NDE1: variants seen among roughly 807,000 people sequenced by gnomAD.
NDE1 encodes the protein nuclear distribution protein nudE homolog 1.
A neutral mutation model predicts 43.4 loss-of-function variants in NDE1; 28 were observed. The ratio of observed to expected loss-of-function variants is 0.65; its 90% confidence interval spans 0.48 to 0.89. NDE1 has a LOEUF of 0.89. NDE1 is among the 40% of genes least tolerant of loss of function. The pLI, the probability that NDE1 is intolerant of heterozygous loss-of-function variation, is 0.00. For missense variants in NDE1, 441 were observed against 434.1 expected (o/e 1.02, Z -0.14); for synonymous variants, 184 against 172.0 (o/e 1.07, Z -0.55).
intron 1 of NDE1, among the ~76,000 whole-genome samples, chr16:15,664,350 G>A (rs1281462683): frequency 6.6e-6 from 1 of 151,824 alleles, no homozygotes. Context: ...CCAGCATAAA[G>A]TTTATTTATT....
chr16:15,691,348 T>A, intron 6 of NDE1, 25 bp downstream of exon 6: 1 of 1,611,614 alleles, frequency 6.2e-7, no homozygotes, highest in Non-Finnish European at 8.5e-7. Flanking sequence ...AATTGCAGGA[T>A]TTTCTCGGTT....
chr16:15,717,448 C>T, intron 8 of NDE1: 3 of 1,246,018 alleles, frequency 2.4e-6, no homozygotes, highest in East Asian at 2.4e-5. Context: ...CTGCACGAGT[C>T]CCTTGATCCC....
chr16:15,682,064 G>A (rs1315511725), intron 4 of NDE1, among the ~76,000 whole-genome samples: 1 of 151,920 alleles, frequency 6.6e-6, no homozygotes, highest in East Asian at 1.9e-4. Context: ...TTTTATTTTT[G>A]TACTAAACGT....
At chr16:15,668,684 A>C (rs2037438446) in intron 3 of NDE1, among the ~76,000 whole-genome samples, 1 of 152,226 alleles carries the variant, frequency 6.6e-6, no homozygotes, top group Non-Finnish European at 1.5e-5. Context: ...TTAATTCCTC[A>C]GTCACAGTAG....
chr16:15,697,150 C>A, intron 8 of NDE1: 2 of 793,582 alleles, frequency 2.5e-6, no homozygotes, highest in Non-Finnish European at 3.1e-6. Flanking sequence ...TCAAACGATC[C>A]TCCCACCTCA....
chr16:15,682,904 T>G (rs1055694782), intron 4 of NDE1, among the ~76,000 whole-genome samples: 32 of 152,076 alleles, frequency 2.1e-4, no homozygotes, highest in African/African-American at 7.7e-4. Flanking sequence ...TTTTCTATTT[T>G]TAGTAGAAAT....
At chr16:15,717,529 G>C in intron 8 of NDE1, 1 of 642,648 alleles carries the variant, frequency 1.6e-6, no homozygotes, top group Non-Finnish European at 2.7e-6. Flanking sequence ...GCGTGGTGGC[G>C]CACGCCTGTA....
At chr16:15,717,894 C>T (rs1447470725) in intron 8 of NDE1, 4 of 284,680 alleles carry the variant, frequency 1.4e-5, no homozygotes, top group Non-Finnish European at 2.7e-5. Flanking sequence ...AGAATGATGC[C>T]TGTTCACCCT....
At position 15,717,252 on chromosome 16, in the gene NDE1, G is replaced by A. The variant is rs371581038; in HGVS notation, c.948-6939G>A. ...CCCTCCATCTCGTGGAGCTTGCTCCGGAGCTCCTTGTTCTGCCGCTCGAGC... is the reference window on the plus strand; with the variant it reads ...CCCTCCATCTCGTGGAGCTTGCTCCAGAGCTCCTTGTTCTGCCGCTCGAGC... On this transcript the variant is annotated intron_variant, in intron 8 of 8. Coordinates refer to ENST00000396354, the MANE Select transcript of NDE1 (RefSeq NM_017668.3). 2.0e-5 allele frequency: 32 copies of A among 1,614,122 alleles called. No individual in the cohort carries two copies. The highest frequency in any genetic ancestry group is 1.6e-4 in the Middle Eastern group (1 of 6,062).
rs1341780205 is a variant in NDE1, at chr16:15,679,153, CAG to C, written c.386+1205_386+1206del. 3.3e-5 allele frequency among the ~76,000 whole-genome samples: 5 copies of C among 152,234 alleles called. No individual in the cohort carries two copies. In the East Asian group the frequency reaches 9.7e-4, roughly 29 times the overall value. On this transcript the variant is annotated intron_variant, in intron 4 of 8. Transcript: ENST00000396354. ...TTTTTCTTTTATTTATTTTTGGAAA[CAG>C]GGTCTTGCTCTGTTACCCAGGCTGG...
intron 3 of NDE1, among the ~76,000 whole-genome samples, chr16:15,667,657 G>A (rs1417077865): frequency 7.1e-6 from 1 of 140,502 alleles, no homozygotes; most frequent in African/African-American, 2.7e-5. Flanking sequence ...TTGAGATGGA[G>A]TTTCACTCTT....
At chr16:15,672,626 A>G (rs1363124660) in intron 3 of NDE1, 1 of 152,256 alleles carries the variant, frequency 6.6e-6, no homozygotes, top group African/African-American at 2.4e-5. Context: ...ATCAGCTGAC[A>G]GCTTATTCGA....
intron 8 of NDE1, among the ~76,000 whole-genome samples, chr16:15,710,143 T>C (rs968056232): frequency 5.3e-5 from 8 of 152,202 alleles, no homozygotes; most frequent in Non-Finnish European, 1.0e-4. Context: ...AAAAATGGTC[T>C]TTTTGTTCCA....
chr16:15,671,052 C>T (rs1043907165), intron 3 of NDE1, among the ~76,000 whole-genome samples: 1 of 152,142 alleles, frequency 6.6e-6, no homozygotes, highest in Non-Finnish European at 1.5e-5. Flanking sequence ...CAGCATTTCC[C>T]CATGAACGTT....
intron 7 of NDE1, among the ~76,000 whole-genome samples, chr16:15,696,216 ATTTT>A (rs987914605): frequency 6.6e-6 from 1 of 151,018 alleles, no homozygotes; most frequent in Non-Finnish European, 1.5e-5. Flanking sequence ...TGCATTAAAA[ATTTT>A]TTTTATTAAC....
At chr16:15,721,757 G>A (rs1442416853) in intron 8 of NDE1, 1 of 956,850 alleles carries the variant, frequency 1.0e-6, no homozygotes, top group African/African-American at 1.6e-5. Context: ...AAGCAGTGTA[G>A]GTTAGCTATG....
At chr16:15,650,796 C>T (rs896391647) in intron 1 of NDE1, among the ~76,000 whole-genome samples, 11 of 152,228 alleles carry the variant, frequency 7.2e-5, no homozygotes, top group Middle Eastern at 6.8e-3. Context: ...TCTCTGCGAC[C>T]CCAGACCCCT....
intron 1 of NDE1, among the ~76,000 whole-genome samples, chr16:15,659,523 G>A (rs2036940947): frequency 7.9e-6 from 1 of 126,680 alleles, no homozygotes; most frequent in South Asian, 2.6e-4. Flanking sequence ...TACAACCTCT[G>A]CCTTCTGGGT....
At chr16:15,686,242 G>A (rs898649259) in intron 4 of NDE1, 35 of 439,218 alleles carry the variant, frequency 8.0e-5, no homozygotes, top group African/African-American at 1.3e-4. Context: ...GTGAGCCACC[G>A]TGTCCGGGCC....
Sources: allele counts gnomAD v4.1 joint callset (sites outside exome capture counted in the v4.1 genomes callset), GRCh38; gene constraint gnomAD v4.1.1; transcripts MANE v1.5; gene names NCBI Gene and HGNC (gene_info 2026-07-23, HGNC 2026-07-21).